The following NOX4 variants were observed in gnomAD, a reference collection of about 807,000 sequenced individuals.
NOX4 encodes NADPH oxidase 4.
A neutral mutation model predicts 87.6 loss-of-function variants in NOX4; 69 were observed. The ratio of observed to expected loss-of-function variants is 0.79; its 90% CI spans 0.65 to 0.96. The LOEUF is 0.96. Among genes scored for constraint, NOX4 ranks in the 40% least tolerant of loss-of-function variants. The pLI is 0.00. For synonymous variants in NOX4, 275 were observed against 238.2 expected, an observed-to-expected ratio of 1.15 and a Z score of -1.42; for missense variants, 680 against 681.5, an observed-to-expected ratio of 1.00 and a Z score of 0.02.
At chr11:89,340,378 T>C (rs567218154) in intron 14 of NOX4, among the ~76,000 whole-genome samples, 1 of 148,950 alleles carries the variant, frequency 6.7e-6, no homozygotes, top group South Asian at 2.1e-4. Flanking sequence ...GACTCAAGGA[T>C]ACGACATACT....
At chr11:89,427,557 C>T (rs368889694) in intron 7 of NOX4, among the ~76,000 whole-genome samples, 36 of 152,158 alleles carry the variant, frequency 2.4e-4, no homozygotes, top group Non-Finnish European at 3.8e-4. Context: ...AACCATGGCA[C>T]GAGAACTACG....
At chr11:89,429,540 C>A (rs1361665897) in intron 7 of NOX4, among the ~76,000 whole-genome samples, 1 of 152,120 alleles carries the variant, frequency 6.6e-6, no homozygotes, top group Non-Finnish European at 1.5e-5. Context: ...CAACACCGAT[C>A]GCACAGAAAT....
rs1210248454 is a variant in NOX4, at chr11:89,400,317, G to C, written c.909C>G (p.Ile303Met). Reference sequence around the variant, plus strand: ...TGATGGTGACTGGCTTATTGCTCCGGATATACCTGTAAAGTCTTTCGGCAC... The same window carrying C: ...TGATGGTGACTGGCTTATTGCTCCGCATATACCTGTAAAGTCTTTCGGCAC... ...LYCAERLYRYIRSNKPVTIIS... is the reference protein window; with the variant it reads ...LYCAERLYRYMRSNKPVTIIS... The change falls in exon 10 of 18, where the codon ATC (isoleucine) becomes ATG (methionine). Residue 303 changes from isoleucine (I) to methionine (M), a missense_variant. By Grantham distance (10) the Ile-to-Met change is conservative. Transcript: ENST00000263317. The C allele has an allele frequency of 1.2e-5, 19 of 1,612,652 alleles. No individual in the cohort carries two copies. Among genetic ancestry groups the C allele is most frequent in the African/African-American group, 4.0e-5 (3 of 74,814 alleles).
chr11:89,556,550 G>A, the NOX4 span, among the ~76,000 whole-genome samples: 404 of 151,676 alleles, frequency 2.7e-3, 3 homozygotes, highest in African/African-American at 9.3e-3. Flanking sequence ...GGAGGGGAGG[G>A]GAGGGGGAAA....
the NOX4 span, among the ~76,000 whole-genome samples, chr11:89,547,663 T>C: frequency 6.6e-6 from 1 of 152,166 alleles, no homozygotes; most frequent in African/African-American, 2.4e-5. Context: ...GTTGCCAAAC[T>C]TGGCCACACA....
At chr11:89,568,311 T>C in the NOX4 span, among the ~76,000 whole-genome samples, 2,386 of 152,260 alleles carry the variant, frequency 0.016, 61 homozygotes, top group African/African-American at 0.054. Context: ...AGTGGGTTCT[T>C]TGAAAGAATA....
At chr11:89,529,690 T>A in the NOX4 span, among the ~76,000 whole-genome samples, 11 of 152,322 alleles carry the variant, frequency 7.2e-5, no homozygotes, top group African/African-American at 2.6e-4. Flanking sequence ...TAAAACAAGA[T>A]AAACTGTGGC....
chr11:89,451,375 T>C (rs1197601331), intron 3 of NOX4, among the ~76,000 whole-genome samples: 1 of 152,126 alleles, frequency 6.6e-6, no homozygotes, highest in African/African-American at 2.4e-5. Context: ...AAATACAGAA[T>C]CTCAATGAGA....
In NOX4 at chr11:89,340,088, T is replaced by A; in HGVS notation, c.1421A>T (p.Asp474Val). 1.3e-6 allele frequency: 2 copies of A among 1,568,690 alleles called. No individual in the cohort carries two copies. The highest frequency in any genetic ancestry group is 1.2e-5 in the South Asian group (1 of 83,848). The change falls in exon 15 of 18, where the codon GAT becomes GTT. Residue 474 changes from aspartate (D) to valine (V), a missense_variant. Transcript: ENST00000263317. ...RDIQSFRWFA[D>V]LLCMLHNKFW... ...CTTGTTATGCAACATACAGAGTAAA[T>A]CTGCAAACCAACGGAAGGACTGGAT...
chr11:89,500,962 G>T (rs1399111611), upstream of NOX4, among the ~76,000 whole-genome samples: 1 of 152,040 alleles, frequency 6.6e-6, no homozygotes, highest in Non-Finnish European at 1.5e-5. Flanking sequence ...TAGCACATTA[G>T]GGGGCAGGTA....
At chr11:89,397,747 C>T (rs540480598) in intron 11 of NOX4, among the ~76,000 whole-genome samples, 3 of 152,126 alleles carry the variant, frequency 2.0e-5, no homozygotes, top group Admixed American at 6.6e-5. Context: ...CACATACACC[C>T]TCCCGAGACT....
the NOX4 span, among the ~76,000 whole-genome samples, chr11:89,553,170 T>C: frequency 6.6e-6 from 1 of 152,130 alleles, no homozygotes; most frequent in Non-Finnish European, 1.5e-5. Context: ...GGTTTGGCTG[T>C]GTCCCCACCC....
the NOX4 span, among the ~76,000 whole-genome samples, chr11:89,579,446 T>G: frequency 6.6e-6 from 1 of 151,984 alleles, no homozygotes. Context: ...TCTGCTCAAT[T>G]TTGCTATGAA....
At chr11:89,433,051 A>G (rs1943893363) in intron 6 of NOX4, among the ~76,000 whole-genome samples, 195 bp from the exon 7 acceptor site, 1 of 152,160 alleles carries the variant, frequency 6.6e-6, no homozygotes. Context: ...ATTGACAGAT[A>G]ATAATTATAC....
intron 6 of NOX4, among the ~76,000 whole-genome samples, chr11:89,438,939 ATATAT>A (rs1944327020): frequency 1.8e-5 from 1 of 54,758 alleles, no homozygotes; most frequent in African/African-American, 6.4e-5. Context: ...ATAATATAAT[ATATAT>A]TATTTTATAT....
intron 4 of NOX4, among the ~76,000 whole-genome samples, chr11:89,445,482 C>T (rs1944660883): frequency 6.6e-6 from 1 of 151,938 alleles, no homozygotes; most frequent in Non-Finnish European, 1.5e-5. Context: ...TATGAAGTTA[C>T]AGTAATCAAG....
intron 2 of NOX4, among the ~76,000 whole-genome samples, chr11:89,480,177 C>T (rs989066848): frequency 2.0e-5 from 3 of 152,180 alleles, no homozygotes; most frequent in Non-Finnish European, 4.4e-5. Context: ...AACAGACTTT[C>T]ACGATCCCAC....
At chr11:89,351,231 C>G (rs1406568808) in intron 13 of NOX4, among the ~76,000 whole-genome samples, 1 of 152,166 alleles carries the variant, frequency 6.6e-6, no homozygotes, top group Non-Finnish European at 1.5e-5. Context: ...TAATCCAGAA[C>G]AAGGCCTTAA....
chr11:89,405,639 T>C (rs529281882), intron 8 of NOX4, among the ~76,000 whole-genome samples: 2 of 142,896 alleles, frequency 1.4e-5, no homozygotes, highest in East Asian at 4.3e-4. Context: ...AAAAAAAAAC[T>C]CAAGTATGAC....
Sources: gnomAD v4.1 joint callset for allele counts (sites outside exome capture counted in the v4.1 genomes callset) on GRCh38, gnomAD v4.1.1 for gene constraint, MANE v1.5 for transcripts, NCBI Gene and HGNC (gene_info 2026-07-23, HGNC 2026-07-21) for gene names.